Variants in HS6ST3 observed in about 807,000 individuals in gnomAD.
HS6ST3 encodes the protein heparan sulfate 6-O-sulfotransferase 3.
Under a neutral mutation model 36.7 loss-of-function variants are expected in HS6ST3, and 12 were observed. The observed-to-expected ratio is 0.33, with a 90% CI of 0.21 to 0.53. The LOEUF (loss-of-function observed/expected upper bound fraction) is 0.53. Ranked by LOEUF, HS6ST3 falls within the 20% of genes least tolerant of loss-of-function variation. The pLI is 0.95. For synonymous variants in HS6ST3, 240 were observed against 257.5 expected (o/e 0.93, Z 0.65); for missense variants, 584 against 640.9 (o/e 0.91, Z 0.96).
At chr13:96,435,605 A>G (rs1453708949) in intron 1 of HS6ST3, among the ~76,000 whole-genome samples, 1 of 152,212 alleles carries the variant, frequency 6.6e-6, no homozygotes, top group Non-Finnish European at 1.5e-5. Context: ...AAGGGGAGCG[A>G]CAAGCATAGT....
Position 96,701,237 on chromosome 13 carries a change from A to C in HS6ST3, c.708-131253A>C, listed in dbSNP as rs371936120. Among the ~76,000 whole-genome samples, 60 of 152,204 alleles carry C rather than the reference A, an allele frequency of 3.9e-4. No homozygotes were observed. The East Asian group carries it at 8.3e-3, about 21-fold the overall frequency. On this transcript the variant is annotated intron_variant, in intron 1 of 1. Transcript: ENST00000376705. ...ACGACTGGTGCAGTGTATGATTAAA[A>C]CCCGCCTTTCACTTTGTTTTCACTT...
intron 1 of HS6ST3, among the ~76,000 whole-genome samples, chr13:96,093,291 G>A (rs889204597): frequency 6.6e-6 from 1 of 152,182 alleles, no homozygotes; most frequent in African/African-American, 2.4e-5. Flanking sequence ...GGACTTAGAG[G>A]AGGATGTGGA....
chr13:96,806,955 T>G (rs1237569880), intron 1 of HS6ST3, among the ~76,000 whole-genome samples: 1 of 152,198 alleles, frequency 6.6e-6, no homozygotes, highest in African/African-American at 2.4e-5. Flanking sequence ...TCATAGAAGA[T>G]AAGAGCAAGG....
chr13:96,112,233 A>G (rs1371659316), intron 1 of HS6ST3, among the ~76,000 whole-genome samples: 1 of 152,148 alleles, frequency 6.6e-6, no homozygotes, highest in Admixed American at 6.6e-5. Flanking sequence ...ATATTTAGAA[A>G]CACAGCAAAC....
At position 96,775,893 on chromosome 13, in the gene HS6ST3, C is replaced by G. The variant is rs150472396; in HGVS notation, c.708-56597C>G. On this transcript the variant is annotated intron_variant, in intron 1 of 1. Coordinates refer to ENST00000376705, the MANE Select transcript of HS6ST3 (RefSeq NM_153456.4). ...CAAAATCAAATGAGTATACATTCTT[C>G]TCAGCACCACATCGCAATGATTCTA... Among the ~76,000 whole-genome samples, 497 of 152,250 alleles carry G rather than the reference C, an allele frequency of 3.3e-3. 2 individuals are homozygous for G. The highest frequency in any genetic ancestry group is 8.4e-3 in the Admixed American group (129 of 15,288).
chr13:96,340,655 C>T (rs946057442), intron 1 of HS6ST3, among the ~76,000 whole-genome samples: 7 of 152,248 alleles, frequency 4.6e-5, no homozygotes, highest in African/African-American at 1.7e-4. Context: ...ACCAGCACTT[C>T]TCCCTGGGTG....
chr13:96,257,086 G>A (rs1489911379), intron 1 of HS6ST3, among the ~76,000 whole-genome samples: 1 of 152,066 alleles, frequency 6.6e-6, no homozygotes, highest in Non-Finnish European at 1.5e-5. Context: ...TCTGAGGATG[G>A]CCTTTCTCAG....
chr13:96,741,892 CGGGGGTCT>C (rs1304827390), intron 1 of HS6ST3, among the ~76,000 whole-genome samples: 2 of 152,218 alleles, frequency 1.3e-5, no homozygotes, highest in Admixed American at 6.5e-5. Flanking sequence ...AGACTGAATA[CGGGGGTCT>C]GATGACCACA....
chr13:96,805,243 A>G (rs1290851113), intron 1 of HS6ST3, among the ~76,000 whole-genome samples: 1 of 151,978 alleles, frequency 6.6e-6, no homozygotes, highest in East Asian at 1.9e-4. Flanking sequence ...AGTCATGGAG[A>G]TGGACTTCCC....
intron 1 of HS6ST3, among the ~76,000 whole-genome samples, chr13:96,523,845 G>C (rs577738772): frequency 6.6e-6 from 1 of 152,266 alleles, no homozygotes; most frequent in South Asian, 2.1e-4. Flanking sequence ...TCAACCTTCT[G>C]AAGCCTGCTT....
intron 1 of HS6ST3, among the ~76,000 whole-genome samples, chr13:96,388,243 T>A (rs2055378171): frequency 6.6e-6 from 1 of 152,206 alleles, no homozygotes; most frequent in Non-Finnish European, 1.5e-5. Flanking sequence ...TACTGAGTCA[T>A]TTGAGTAATG....
chr13:96,628,762 A>G (rs1250343942), intron 1 of HS6ST3, among the ~76,000 whole-genome samples: 1 of 151,950 alleles, frequency 6.6e-6, no homozygotes, highest in East Asian at 1.9e-4. Context: ...TATTTTGGTT[A>G]GCATTTGTTT....
intron 1 of HS6ST3, among the ~76,000 whole-genome samples, chr13:96,475,627 A>T (rs960498580): frequency 7.2e-5 from 11 of 151,802 alleles, no homozygotes; most frequent in Non-Finnish European, 1.3e-4. Flanking sequence ...AAAAAAAAAA[A>T]AAAGAAAAGA....
chr13:96,429,330 A>G (rs920585780), intron 1 of HS6ST3, among the ~76,000 whole-genome samples: 2 of 152,342 alleles, frequency 1.3e-5, no homozygotes, highest in South Asian at 2.1e-4. Context: ...TAAAATGAAC[A>G]TTGGATTGAA....
At chr13:96,159,659 A>G (rs2054127132) in intron 1 of HS6ST3, among the ~76,000 whole-genome samples, 1 of 152,268 alleles carries the variant, frequency 6.6e-6, no homozygotes, top group South Asian at 2.1e-4. Flanking sequence ...ATTACACAAA[A>G]CAAAAATGAA....
At chr13:96,776,440 C>A (rs1230794998) in intron 1 of HS6ST3, among the ~76,000 whole-genome samples, 2 of 151,968 alleles carry the variant, frequency 1.3e-5, no homozygotes, top group Admixed American at 1.3e-4. Flanking sequence ...AGGTAGACTG[C>A]TAGCCAGGCT....
Position 96,284,611 on chromosome 13 carries a change from G to A in HS6ST3, c.707+193042G>A, listed in dbSNP as rs528912681. Among the ~76,000 whole-genome samples, 109 of 152,236 alleles carry A rather than the reference G, an allele frequency of 7.2e-4. 1 individual carries two copies. Among genetic ancestry groups the A allele is most frequent in the African/African-American group, 2.6e-3 (108 of 41,564 alleles). On this transcript the variant is annotated intron_variant, in intron 1 of 1. Transcript: ENST00000376705. ...TCCCTGTCCACTGAATCAAATGTTA[G>A]TCTCCTTTGGCAACACCTCACAGAC...
At chr13:96,612,031 G>C (rs2056458754) in intron 1 of HS6ST3, among the ~76,000 whole-genome samples, 2 of 152,178 alleles carry the variant, frequency 1.3e-5, no homozygotes, top group South Asian at 2.1e-4. Context: ...AGATTGTGGG[G>C]ACTTGATTTA....
intron 1 of HS6ST3, among the ~76,000 whole-genome samples, chr13:96,465,906 C>G (rs2055811090): frequency 6.6e-6 from 1 of 151,312 alleles, no homozygotes; most frequent in African/African-American, 2.4e-5. Context: ...TCTAAATTTT[C>G]CAAATAAAAA....
Sources: allele counts gnomAD v4.1 joint callset (sites outside exome capture counted in the v4.1 genomes callset), GRCh38; gene constraint gnomAD v4.1.1; transcripts MANE v1.5; gene names NCBI Gene and HGNC (gene_info 2026-07-23, HGNC 2026-07-21).